Variants in SAMMSON observed in about 807,000 individuals in gnomAD.
SAMMSON encodes the protein long intergenic non-protein coding RNA 1212.
chr3:70,206,533 T>C, intron 4 of SAMMSON: 1 of 397,332 alleles, frequency 2.5e-6, no homozygotes, highest in Non-Finnish European at 4.4e-6. Flanking sequence ...GGTTGGGAGC[T>C]TTATTTAGAG....
rs1206031003 is a variant in SAMMSON, at chr3:70,257,631, G to C, written n.674+7961G>C. Among the ~76,000 whole-genome samples, 21 of 152,150 alleles carry C rather than the reference G, an allele frequency of 1.4e-4. 1 individual carries two copies. Among genetic ancestry groups the C allele is most frequent in the African/African-American group, 2.4e-5 (1 of 41,438 alleles). On this transcript the variant is annotated intron_variant and non_coding_transcript_variant, in intron 6 of 9. Coordinates refer to ENST00000642114, the Ensembl canonical transcript of SAMMSON. ...TATATGTGAGGCCTGAACACTAAAA[G>C]CTATGAAACATTGCTTAGAGAAGTT...
At chr3:70,077,654 A>G (rs2106639575) in intron 4 of SAMMSON, among the ~76,000 whole-genome samples, 1 of 152,264 alleles carries the variant, frequency 6.6e-6, no homozygotes, top group East Asian at 1.9e-4. Flanking sequence ...AAAGGAAATA[A>G]CTCAATTTCT....
chr3:70,337,523 C>T (rs914418438), intron 7 of SAMMSON, among the ~76,000 whole-genome samples: 1 of 151,882 alleles, frequency 6.6e-6, no homozygotes. Context: ...CAACATCTTG[C>T]ATGCCCAGGA....
intron 6 of SAMMSON, among the ~76,000 whole-genome samples, chr3:70,251,763 T>C (rs535119308): frequency 3.9e-5 from 6 of 152,338 alleles, no homozygotes; most frequent in African/African-American, 1.4e-4. Flanking sequence ...ATGAGGAACC[T>C]GTAGAACGGA....
intron 6 of SAMMSON, among the ~76,000 whole-genome samples, chr3:70,288,148 G>A (rs1183729337): frequency 5.5e-5 from 8 of 144,516 alleles, no homozygotes; most frequent in African/African-American, 2.1e-4. Context: ...TAATTGTGAT[G>A]TTAGGGTGTC....
rs956172878 is a variant in SAMMSON, at chr3:70,101,605, G to T, written n.507+30040G>T. Among the ~76,000 whole-genome samples, 4 of 151,996 alleles carry T rather than the reference G, an allele frequency of 2.6e-5. 1 individual carries two copies. Among genetic ancestry groups the T allele is most frequent in the Admixed American group, 2.6e-4 (4 of 15,256 alleles). ...AGTACCTTCCTTCTTTGTGAATTAT[G>T]GTTTTACATGAGACAATAAGCGTTA... is the stretch of plus-strand genomic sequence containing the variant. On this transcript the variant is annotated intron_variant and non_coding_transcript_variant, in intron 4 of 9. Transcript: ENST00000642114.
chr3:70,285,627 C>T (rs1257987400), intron 6 of SAMMSON, among the ~76,000 whole-genome samples: 38 of 150,708 alleles, frequency 2.5e-4, no homozygotes, highest in Admixed American at 1.1e-3. Flanking sequence ...CCTGAGGAAT[C>T]GCCACACTGA....
In SAMMSON at chr3:70,030,772, A is replaced by G. The variant is rs144354558; in HGVS notation, n.417+17100A>G. 2.7e-4 allele frequency: 41 copies of G among 152,354 alleles called. No individual in the cohort carries two copies. The East Asian group carries it at 7.5e-3, about 28-fold the overall frequency. 9.4% of individuals were successfully genotyped at this position (152,354 alleles called of 1,614,324 possible). On this transcript the variant is annotated intron_variant and non_coding_transcript_variant, in intron 3 of 9. Coordinates refer to ENST00000642114, the Ensembl canonical transcript of SAMMSON. ...GTCCATAGGATATATACAGATGGCC[A>G]GTACACATATGAAAAGATGCTCAAC...
In SAMMSON at chr3:70,047,470, G is replaced by A. The variant is rs569493192; in HGVS notation, n.418-24006G>A. Among the ~76,000 whole-genome samples the A allele has an allele frequency of 1.8e-4, 28 of 151,788 alleles. No individual in the cohort carries two copies. In the South Asian group the frequency reaches 5.4e-3, roughly 29 times the overall value. ...TCCTGCCTCAGCCTCCCGAGTAGCT[G>A]GAACTACAGGCACACACCTCCATGC... On this transcript the variant is annotated intron_variant and non_coding_transcript_variant, in intron 3 of 9. Transcript: ENST00000642114.
chr3:70,279,777 A>C (rs576586001), intron 6 of SAMMSON, among the ~76,000 whole-genome samples: 2 of 152,116 alleles, frequency 1.3e-5, no homozygotes, highest in Admixed American at 1.3e-4. Context: ...TTTTCCTTCC[A>C]TGGGCTGTTC....
chr3:70,167,235 T>A (rs1039659360), intron 4 of SAMMSON, among the ~76,000 whole-genome samples: 1 of 152,014 alleles, frequency 6.6e-6, no homozygotes, highest in African/African-American at 2.4e-5. Context: ...TTCTATATCC[T>A]TGCATATTAA....
chr3:70,405,675 T>C (rs1375517216), intron 2 of SAMMSON, among the ~76,000 whole-genome samples: 2 of 152,144 alleles, frequency 1.3e-5, no homozygotes, highest in African/African-American at 4.8e-5. Context: ...AGCTTGAAGA[T>C]AATAAACAGA....
intron 4 of SAMMSON, among the ~76,000 whole-genome samples, chr3:70,241,274 A>G (rs992363779): frequency 3.3e-5 from 5 of 152,180 alleles, no homozygotes; most frequent in African/African-American, 9.7e-5. Flanking sequence ...AGGCAAACAT[A>G]AAATCAAAAG....
intron 7 of SAMMSON, among the ~76,000 whole-genome samples, chr3:70,326,129 T>A (rs1702579272): frequency 6.6e-6 from 1 of 152,042 alleles, no homozygotes; most frequent in South Asian, 2.1e-4. Context: ...TGTGCTCTCT[T>A]TCCTCCCTCC....
chr3:70,169,457 T>A (rs2067652568), intron 4 of SAMMSON, among the ~76,000 whole-genome samples: 2 of 151,930 alleles, frequency 1.3e-5, no homozygotes, highest in African/African-American at 4.8e-5. Flanking sequence ...TTCCTTAACA[T>A]CTCCTTTTCA....
intron 6 of SAMMSON, among the ~76,000 whole-genome samples, chr3:70,262,008 C>T (rs1194418520): frequency 6.6e-6 from 1 of 152,164 alleles, no homozygotes; most frequent in East Asian, 1.9e-4. Flanking sequence ...AGAGTTTGAT[C>T]TAACCCCAGA....
chr3:70,161,253 A>G (rs993489181), intron 4 of SAMMSON, among the ~76,000 whole-genome samples: 5 of 152,026 alleles, frequency 3.3e-5, no homozygotes, highest in African/African-American at 7.2e-5. Context: ...CCTGTTCCCA[A>G]TCTTAGGGGA....
chr3:70,307,193 G>A (rs905261686), intron 7 of SAMMSON, among the ~76,000 whole-genome samples: 1 of 152,032 alleles, frequency 6.6e-6, no homozygotes, highest in Admixed American at 6.6e-5. Context: ...TATTGTTGTT[G>A]TTTTGGTGGT....
At chr3:70,253,830 G>A (rs1020700166) in intron 6 of SAMMSON, among the ~76,000 whole-genome samples, 1 of 152,144 alleles carries the variant, frequency 6.6e-6, no homozygotes, top group Non-Finnish European at 1.5e-5. Flanking sequence ...AGAAAGATGT[G>A]AAACTCTTGT....
Sources: allele counts gnomAD v4.1 joint callset (sites outside exome capture counted in the v4.1 genomes callset), GRCh38; gene constraint gnomAD v4.1.1; transcripts MANE v1.5; gene names NCBI Gene and HGNC (gene_info 2026-07-23, HGNC 2026-07-21).